The following RBCK1 variants were observed in gnomAD, a reference collection of about 807,000 sequenced individuals.
The protein encoded by RBCK1 is ranBP-type and C3HC4-type zinc finger-containing protein 1.
RBCK1 carries 44 observed loss-of-function variants against 71.1 expected under a neutral mutation model. The ratio of observed to expected loss-of-function variants is 0.62; its 90% CI spans 0.49 to 0.80. The LOEUF (loss-of-function observed/expected upper bound fraction) is 0.80. Ranked by LOEUF, RBCK1 falls within the 30% of genes least tolerant of loss-of-function variation. The probability of loss-of-function intolerance (pLI) is 0.00; values close to 1 mark genes in which losing one functional copy is unlikely to be tolerated. For missense variants in RBCK1, 569 were observed against 685.0 expected (o/e 0.83, Z 1.89); for synonymous variants, 306 against 279.7 (o/e 1.09, Z -0.94).
chr20:413,771 T>G lies in RBCK1; in HGVS notation c.167+3746T>G, dbSNP rs367754028. Among the ~76,000 whole-genome samples, 7 of 152,038 alleles carry G rather than the reference T, an allele frequency of 4.6e-5. No homozygotes were observed. In the East Asian group the frequency reaches 1.4e-3, roughly 29 times the overall value. ...GGGTTCTCATCGATGGACCCGATGC[T>G]TCCTAGCAAATGATACCTGTTGTAT... On this transcript the variant is annotated intron_variant, in intron 2 of 11. Coordinates refer to ENST00000356286, the MANE Select transcript of RBCK1 (RefSeq NM_031229.4).
chr20:415,993 C>G lies in RBCK1; in HGVS notation c.168-1533C>G, dbSNP rs575319203. ...GCTGTGAGGGAGCTGCCCCTATGAC[C>G]CAAACACCTCCCACCAGGCCTCACC... On this transcript the variant is annotated intron_variant, in intron 2 of 11. Coordinates refer to ENST00000356286, the MANE Select transcript of RBCK1 (RefSeq NM_031229.4). Among the ~76,000 whole-genome samples, 346 of 152,276 alleles carry G rather than the reference C, an allele frequency of 2.3e-3. 1 individual carries two copies. Among genetic ancestry groups the G allele is most frequent in the Non-Finnish European group, 3.9e-3 (267 of 68,022 alleles).
At chr20:420,025 GA>G in intron 6 of RBCK1, 1 of 984,074 alleles carries the variant, frequency 1.0e-6, no homozygotes, top group Non-Finnish European at 1.2e-6. Flanking sequence ...CACACCACAC[GA>G]GTATGGCTGG....
chr20:428,739 G>C lies in RBCK1; in HGVS notation c.1308+150G>C. ...CACTCCCATCCGGAGGTGGGACTTA[G>C]GCCGAATGGTCATGTCAGGAAGAGC... On this transcript the variant is annotated intron_variant, in intron 10 of 11. Coordinates refer to ENST00000356286, the MANE Select transcript of RBCK1 (RefSeq NM_031229.4). This position sits in a 1 kb window ranked among gnomAD's most constrained non-coding sequence, Gnocchi z 5.7. 1 of 1,391,540 alleles carries C rather than the reference G, an allele frequency of 7.2e-7. No individual in the cohort carries two copies. Among genetic ancestry groups the C allele is most frequent in the Non-Finnish European group, 9.5e-7 (1 of 1,049,174 alleles). The allele number at this position is 1,391,540 out of a possible 1,614,324, so 86.2% of individuals were successfully genotyped here. A position where few individuals can be genotyped will look rare whatever the true frequency, so the allele number is the denominator to read the frequency against.
At position 428,058 on chromosome 20, in the gene RBCK1, G is replaced by A. The variant is rs754010675; in HGVS notation, c.1210-433G>A. Among the ~76,000 whole-genome samples, 2 of 152,214 alleles carry A rather than the reference G, an allele frequency of 1.3e-5. No individual in the cohort carries two copies. The highest frequency in any genetic ancestry group is 2.9e-5 in the Non-Finnish European group (2 of 68,026). Reference sequence around the variant, plus strand: ...CCGCCGCTTCATCTCAAAAGTTGAAGGTGAGGAGCCGGTAAACAGGTCTGG... The same window carrying A: ...CCGCCGCTTCATCTCAAAAGTTGAAAGTGAGGAGCCGGTAAACAGGTCTGG... On this transcript the variant is annotated intron_variant, in intron 9 of 11. Coordinates refer to ENST00000356286, the MANE Select transcript of RBCK1 (RefSeq NM_031229.4). This position sits in a 1 kb window ranked among gnomAD's most constrained non-coding sequence, Gnocchi z 5.7.
intron 8 of RBCK1, among the ~76,000 whole-genome samples, chr20:426,343 C>CCACG (rs2016713926): frequency 6.6e-6 from 1 of 152,230 alleles, no homozygotes; most frequent in African/African-American, 2.4e-5. Flanking sequence ...CACTCCCCTG[C>CCACG]CACGCCTCAC....
At position 422,237 on chromosome 20, in the gene RBCK1, C is replaced by T. The variant is rs1232409954; in HGVS notation, c.1028C>T (p.Ala343Val). The T allele has an allele frequency of 3.1e-6, 5 of 1,613,064 alleles. No homozygotes were observed. Among genetic ancestry groups the T allele is most frequent in the Middle Eastern group, 1.6e-4 (1 of 6,080 alleles). Residue 343 changes from alanine to valine, a missense_variant and splice_region_variant, in exon 8 of 12, where the codon GCG becomes GTG. Coordinates refer to ENST00000356286, the MANE Select transcript of RBCK1 (RefSeq NM_031229.4). This position sits in a 1 kb window ranked among gnomAD's most constrained non-coding sequence, Gnocchi z 5.0. ...AAGCTGCTGGAGAGGGAGATCAAGG[C>T]GGTAAGGCCTCAGGGTGGGAGACAT... The part of the protein sequence containing the change: ...SGKLLEREIK[A>V]LLTPEDYQRF...
chr20:416,830 C>T (rs936832303), intron 2 of RBCK1, among the ~76,000 whole-genome samples: 1 of 152,148 alleles, frequency 6.6e-6, no homozygotes, highest in African/African-American at 2.4e-5. Context: ...GACCCTGTCT[C>T]TACAAAAACT....
intron 6 of RBCK1, chr20:420,043 C>T: frequency 1.0e-6 from 1 of 970,204 alleles, no homozygotes; most frequent in Non-Finnish European, 1.2e-6. Flanking sequence ...CTGGCCATGA[C>T]CCCAGCACCC....
At position 427,504 on chromosome 20, in the gene RBCK1, A is replaced by AG; in HGVS notation, c.1209+15dup. ...GCCTGCTCTGCAAGGTGGGGCCTGC[A>AG]GGGACTCCCCCCACCTAGTCACTGT... On this transcript the variant is annotated intron_variant, in intron 9 of 11. Coordinates refer to ENST00000356286, the MANE Select transcript of RBCK1 (RefSeq NM_031229.4). 1.2e-6 allele frequency: 2 copies of AG among 1,612,084 alleles called. No homozygotes were observed. The highest frequency in any genetic ancestry group is 1.7e-6 in the Non-Finnish European group (2 of 1,179,628).
chr20:421,077 C>T, intron 7 of RBCK1, 46 bp downstream of exon 7: 2 of 1,487,814 alleles, frequency 1.3e-6, no homozygotes, highest in Non-Finnish European at 9.0e-7. Flanking sequence ...TAATCAAAGC[C>T]GCCAATTACG....
At chr20:413,664 T>G (rs1018637313) in intron 2 of RBCK1, among the ~76,000 whole-genome samples, 5 of 152,062 alleles carry the variant, frequency 3.3e-5, no homozygotes, top group African/African-American at 1.2e-4. Context: ...GGGGGGAATC[T>G]CAGGTCTCAC....
intron 2 of RBCK1, among the ~76,000 whole-genome samples, chr20:415,020 C>A (rs753438644): frequency 3.3e-5 from 5 of 152,130 alleles, no homozygotes; most frequent in Non-Finnish European, 7.4e-5. Flanking sequence ...ATTTTCTGGA[C>A]TGCTTTTAAA....
chr20:423,369 T>C lies in RBCK1; in HGVS notation c.1029+1131T>C, dbSNP rs577269743. On this transcript the variant is annotated intron_variant, in intron 8 of 11. Transcript: ENST00000356286. The stretch of plus-strand genomic sequence containing the variant: ...AGCCTTTGTTGTTGTTAGCGCTTAC[T>C]GTGTAACAAATCACTGCAGGCTCAA... Among the ~76,000 whole-genome samples, 18 of 152,338 alleles carry C rather than the reference T, an allele frequency of 1.2e-4. No individual in the cohort carries two copies. The South Asian group carries it at 3.7e-3, about 32-fold the overall frequency.
chr20:413,309 C>CAA (rs953145746), intron 2 of RBCK1, among the ~76,000 whole-genome samples: 3 of 146,404 alleles, frequency 2.0e-5, no homozygotes, highest in Admixed American at 6.8e-5. Flanking sequence ...TCTGTTTCTG[C>CAA]AAAAAAAAAA....
At chr20:420,842 C>A (rs1427449395) in intron 6 of RBCK1, 29 bp from the exon 7 acceptor site, 2 of 1,537,578 alleles carry the variant, frequency 1.3e-6, no homozygotes, top group Admixed American at 2.0e-5. Context: ...GGCCCTGACC[C>A]GCCCCGTGGC....
chr20:410,507 G>A (rs773053894), intron 2 of RBCK1: 4 of 779,748 alleles, frequency 5.1e-6, no homozygotes, highest in South Asian at 2.7e-5. Context: ...CTTCTAAAGA[G>A]CATAGCTCAA....
chr20:419,773 G>A, intron 6 of RBCK1, 42 bp downstream of exon 6: 1 of 1,519,352 alleles, frequency 6.6e-7, no homozygotes, highest in Non-Finnish European at 8.8e-7. Flanking sequence ...CAGACCGCAC[G>A]GGGGAGGTGT....
intron 7 of RBCK1, chr20:421,909 G>A (rs2016459785): frequency 1.9e-6 from 1 of 531,384 alleles, no homozygotes; most frequent in Non-Finnish European, 3.4e-6. Context: ...TGGGGGATGT[G>A]GGGCCTGGAC....
chr20:421,636 G>A (rs372213198), intron 7 of RBCK1, among the ~76,000 whole-genome samples: 3 of 152,158 alleles, frequency 2.0e-5, no homozygotes, highest in Non-Finnish European at 2.9e-5. Flanking sequence ...AGCAGGGACC[G>A]GAAGGCCTGC....
Sources: allele counts gnomAD v4.1 joint callset (sites outside exome capture counted in the v4.1 genomes callset), GRCh38; gene constraint gnomAD v4.1.1; non-coding constraint Gnocchi (gnomAD v3.1); transcripts MANE v1.5; gene names NCBI Gene and HGNC (gene_info 2026-07-23, HGNC 2026-07-21).